WWP2: variants seen among roughly 807,000 people sequenced by gnomAD.
WWP2 encodes the protein WW domain containing E3 ubiquitin protein ligase 2.
Under a neutral mutation model 121.0 loss-of-function variants are expected in WWP2, and 57 were observed. The observed-to-expected ratio is 0.47, with a 90% CI of 0.38 to 0.59. The LOEUF (loss-of-function observed/expected upper bound fraction) is 0.59, where lower values mean the gene tolerates loss of function less well. Among genes scored for constraint, WWP2 ranks in the 20% least tolerant of loss-of-function variants. WWP2 has a pLI of 0.00. For missense variants in WWP2, 962 were observed against 1,158.9 expected (o/e 0.83, Z 2.47); for synonymous variants, 449 against 441.3 (o/e 1.02, Z -0.22).
chr16:69,909,042 A>T, intron 9 of WWP2, 192 bp downstream of exon 9: 2 of 1,366,852 alleles, frequency 1.5e-6, no homozygotes, highest in Non-Finnish European at 1.9e-6. Context: ...AATTATTAGA[A>T]GATCTCTGGG....
rs995403625 is a variant in WWP2 at position 69,799,797 on chromosome 16, G to C, written c.340+502G>C. 6.6e-6 allele frequency among the ~76,000 whole-genome samples: 1 copy of C among 152,152 alleles called. No homozygotes were observed. The highest frequency in any genetic ancestry group is 1.5e-5 in the Non-Finnish European group (1 of 68,032). ...CTCGGCACTCAGTAAACATTTACTGGATGTTGGAACGTGATGGACGCGCCA... is the reference window on the plus strand; with the variant it reads ...CTCGGCACTCAGTAAACATTTACTGCATGTTGGAACGTGATGGACGCGCCA... On this transcript the variant is annotated intron_variant, in intron 4 of 23. Coordinates refer to ENST00000359154, the MANE Select transcript of WWP2 (RefSeq NM_001270454.2). The surrounding 1 kb of genome is among the most constrained non-coding windows in gnomAD (Gnocchi z 4.5).
rs201042861 is a variant in WWP2, at chr16:69,934,441, AAG to A, written c.1842+315_1842+316del. The stretch of plus-strand genomic sequence containing the variant: ...CTCAGTGGCTGCCCTGTAGGTAGTG[AAG>A]AGTTTCCATGTTGCTTTGTACAGGA... On this transcript the variant is annotated intron_variant, in intron 17 of 23. Transcript: ENST00000359154. Among the ~76,000 whole-genome samples, 1,220 of 151,716 alleles carry A rather than the reference AAG, an allele frequency of 8.0e-3. 17 individuals are homozygous for A. The highest frequency in any genetic ancestry group is 0.028 in the African/African-American group (1,154 of 41,418).
At chr16:69,915,382 T>C (rs929853907) in intron 9 of WWP2, among the ~76,000 whole-genome samples, 2 of 152,154 alleles carry the variant, frequency 1.3e-5, no homozygotes, top group Non-Finnish European at 2.9e-5. Context: ...TCTTTGGTAG[T>C]GGAAAGTCCA....
chr16:69,890,044 T>C (rs1236955020), intron 8 of WWP2, among the ~76,000 whole-genome samples: 1 of 152,104 alleles, frequency 6.6e-6, no homozygotes, highest in East Asian at 1.9e-4. Flanking sequence ...AGCCTTGACT[T>C]CCTGGGCTCA....
chr16:69,776,080 T>C (rs1322225480), intron 1 of WWP2: 2 of 152,268 alleles, frequency 1.3e-5, no homozygotes, highest in Admixed American at 1.3e-4. Context: ...CAGCAAAGTA[T>C]GGGGGAGGGG....
At chr16:69,867,696 C>T (rs530473069) in intron 6 of WWP2, among the ~76,000 whole-genome samples, 4 of 152,160 alleles carry the variant, frequency 2.6e-5, no homozygotes, top group Admixed American at 2.0e-4. Flanking sequence ...GAGGACACAC[C>T]GCATCCTGAG....
In WWP2 at chr16:69,935,551, G is replaced by C. The variant is rs998457011; in HGVS notation, c.1843-302G>C. On this transcript the variant is annotated intron_variant, in intron 17 of 23. Coordinates refer to ENST00000359154, the MANE Select transcript of WWP2 (RefSeq NM_001270454.2). This position sits in a 1 kb window ranked among gnomAD's most constrained non-coding sequence, Gnocchi z 5.2. ...GTGGGGCAGACCTTTGCTAGGCCAG[G>C]AGCCAGCCGGCCAGCGTGCGGGGCA... 2.0e-5 allele frequency among the ~76,000 whole-genome samples: 3 copies of C among 152,244 alleles called. No individual in the cohort carries two copies. Among genetic ancestry groups the C allele is most frequent in the Admixed American group, 1.3e-4 (2 of 15,288 alleles).
chr16:69,816,474 A>G (rs1003819742), intron 4 of WWP2, among the ~76,000 whole-genome samples: 1 of 148,238 alleles, frequency 6.7e-6, no homozygotes. Flanking sequence ...AAATATATAT[A>G]CTTTATATAT....
At chr16:69,871,128 TA>T (rs11392322) in intron 6 of WWP2, among the ~76,000 whole-genome samples, 1 of 151,456 alleles carries the variant, frequency 6.6e-6, no homozygotes, top group Non-Finnish European at 1.5e-5. Flanking sequence ...TCCCCAAAAA[TA>T]AAAAAATGAG....
chr16:69,859,169 A>G (rs2057371493), intron 6 of WWP2, among the ~76,000 whole-genome samples: 5 of 152,200 alleles, frequency 3.3e-5, no homozygotes, highest in Admixed American at 3.3e-4. Flanking sequence ...CACACGGCTG[A>G]CTTTTCCCTT....
chr16:69,762,564 C>G (rs1408383473), intron 1 of WWP2, among the ~76,000 whole-genome samples, 173 bp downstream of exon 1: 1 of 150,776 alleles, frequency 6.6e-6, no homozygotes, highest in African/African-American at 2.4e-5. Context: ...GAGGGGTGTC[C>G]CGGCTCCCGC....
At chr16:69,897,214 C>A (rs922583801) in intron 8 of WWP2, among the ~76,000 whole-genome samples, 2 of 151,960 alleles carry the variant, frequency 1.3e-5, no homozygotes, top group African/African-American at 4.8e-5. Context: ...GTGATCCTCT[C>A]GCTTCAGCCT....
At chr16:69,817,044 A>C (rs1372206742) in intron 4 of WWP2, among the ~76,000 whole-genome samples, 2 of 152,190 alleles carry the variant, frequency 1.3e-5, no homozygotes, top group Non-Finnish European at 2.9e-5. Flanking sequence ...AATCATTTGG[A>C]ATTCTGTTAT....
At chr16:69,762,949 C>A (rs1350535933) in intron 1 of WWP2, among the ~76,000 whole-genome samples, 1 of 152,126 alleles carries the variant, frequency 6.6e-6, no homozygotes, top group Admixed American at 6.5e-5. Flanking sequence ...TTGCTTCCCT[C>A]GCGCCCACTT....
At chr16:69,795,358 C>T (rs1315806290) in intron 2 of WWP2, among the ~76,000 whole-genome samples, 3 of 151,862 alleles carry the variant, frequency 2.0e-5, no homozygotes, top group African/African-American at 7.3e-5. Context: ...GTCACTGTAG[C>T]CACATAGAAC....
intron 1 of WWP2, among the ~76,000 whole-genome samples, chr16:69,777,717 G>T (rs564991797): frequency 3.3e-5 from 5 of 151,632 alleles, no homozygotes; most frequent in African/African-American, 1.2e-4. Context: ...TTTATGTAGA[G>T]GATAAGTTCA....
chr16:69,825,719 G>T (rs1056966832), intron 4 of WWP2, among the ~76,000 whole-genome samples: 1 of 149,144 alleles, frequency 6.7e-6, no homozygotes, highest in Non-Finnish European at 1.5e-5. Flanking sequence ...TTGACCTCCT[G>T]GGCTCAAGTG....
At chr16:69,850,168 T>C (rs185092689) in intron 6 of WWP2, among the ~76,000 whole-genome samples, 20 of 152,144 alleles carry the variant, frequency 1.3e-4, no homozygotes, top group Non-Finnish European at 2.2e-4. Flanking sequence ...GGGCAGATCA[T>C]GAGGTCAGGA....
intron 1 of WWP2, among the ~76,000 whole-genome samples, chr16:69,772,451 G>A (rs1298810270): frequency 6.6e-6 from 1 of 152,114 alleles, no homozygotes; most frequent in Non-Finnish European, 1.5e-5. Flanking sequence ...CTTTGCCCTG[G>A]AAAGAATTCA....
Sources: allele counts gnomAD v4.1 joint callset (sites outside exome capture counted in the v4.1 genomes callset), GRCh38; gene constraint gnomAD v4.1.1; non-coding constraint Gnocchi (gnomAD v3.1); transcripts MANE v1.5; gene names NCBI Gene and HGNC (gene_info 2026-07-23, HGNC 2026-07-21).